The following MXD3 variants were observed in gnomAD, a reference collection of about 807,000 sequenced individuals.
MXD3 encodes the protein Max-associated protein 3.
MXD3 carries 20 observed loss-of-function variants against 27.5 expected under a neutral mutation model. That is an observed-to-expected ratio of 0.73 (90% confidence interval 0.51 to 1.06). The LOEUF is 1.06. Ranked by LOEUF, MXD3 falls within the 50% of genes least tolerant of loss-of-function variation. The probability of loss-of-function intolerance (pLI) is 0.00; values close to 1 mark genes in which losing one functional copy is unlikely to be tolerated. For synonymous variants in MXD3, 150 were observed against 130.7 expected (o/e 1.15, Z -1.01); for missense variants, 298 against 291.3 (o/e 1.02, Z -0.17).
intron 1 of MXD3, 87 bp from the exon 2 acceptor site, chr5:177,311,571 CT>C: frequency 8.1e-7 from 1 of 1,238,638 alleles, no homozygotes; most frequent in Non-Finnish European, 1.1e-6. Context: ...CAAGGAAAGG[CT>C]TTTGGCGCCA....
downstream of MXD3, chr5:177,306,423 C>T (rs374141318): frequency 1.9e-4 from 302 of 1,613,946 alleles, no homozygotes; most frequent in Non-Finnish European, 2.4e-4. Context: ...TCGCGACAGG[C>T]GAGGCCCCTT....
chr5:177,312,527 G>A (rs1278445836), upstream of MXD3: 1 of 985,336 alleles, frequency 1.0e-6, no homozygotes, highest in Non-Finnish European at 1.2e-6. Flanking sequence ...CGCAGGCGCC[G>A]GCGGAGGGGC....
rs1201221295 is a variant in MXD3, at chr5:177,311,823, G to A, written c.8C>T (p.Pro3Leu). 1 of 1,612,210 alleles carries A rather than the reference G, an allele frequency of 6.2e-7. No homozygotes were observed. The highest frequency in any genetic ancestry group is 8.5e-7 in the Non-Finnish European group (1 of 1,179,148). The change falls in exon 1 of 6, where the codon CCC (proline) becomes CTC (leucine). Residue 3 changes from proline to leucine, a missense_variant. Pro to Leu is a moderately conservative substitution (Grantham distance 98, BLOSUM62 -3). Coordinates refer to ENST00000439742, the MANE Select transcript of MXD3 (RefSeq NM_031300.4). ...CAGGACCTGGATGTTGCTGGCCAAG[G>A]GTTCCATGTCGGCGACAGCTGGCGG... Reference protein sequence around the residue: MEPLASNIQVLLQ... With the variant: MELLASNIQVLLQ...
In MXD3 at chr5:177,307,274, T is replaced by G. The variant is rs1157991343; in HGVS notation, c.*314A>C. 6 of 1,551,530 alleles carry G rather than the reference T, an allele frequency of 3.9e-6. No homozygotes were observed. In the Admixed American group the frequency reaches 1.2e-4, roughly 30 times the overall value. ...TGTGAGGCAAAGGCAGGGGGCCTTG[T>G]CCAGGAAGGGAAGAGGCCCAAGAGG... On this transcript the variant is annotated 3_prime_UTR_variant, in exon 6 of 6. Transcript: ENST00000439742.
intron 4 of MXD3, among the ~76,000 whole-genome samples, chr5:177,308,230 A>G (rs919918153): frequency 4.1e-4 from 63 of 152,308 alleles, no homozygotes; most frequent in African/African-American, 1.4e-3. Flanking sequence ...CTAGTCAAGG[A>G]TAAAGGACTG....
intron 4 of MXD3, among the ~76,000 whole-genome samples, chr5:177,308,419 C>A: frequency 6.6e-6 from 1 of 151,856 alleles, no homozygotes. Context: ...GTCGCCCAGG[C>A]TGGAGTGCAG....
chr5:177,311,571 C>A, intron 1 of MXD3, 87 bp from the exon 2 acceptor site: 2 of 1,238,660 alleles, frequency 1.6e-6, no homozygotes, highest in South Asian at 3.2e-5. Flanking sequence ...CAAGGAAAGG[C>A]TTTTGGCGCC....
At chr5:177,312,638 GAAT>G (rs1229608860), upstream of MXD3, 2 of 985,358 alleles carry the variant, frequency 2.0e-6, no homozygotes, top group African/African-American at 3.5e-5. Flanking sequence ...TGTCGAATGG[GAAT>G]AATATCTCGG....
intron 2 of MXD3, chr5:177,311,157 T>C (rs1210877456): frequency 1.9e-6 from 1 of 525,762 alleles, no homozygotes; most frequent in Non-Finnish European, 3.3e-6. Context: ...CAACTGCTGT[T>C]GGCAGTTCCC....
At position 177,310,655 on chromosome 5, in the gene MXD3, G is replaced by C; in HGVS notation, c.206+13C>G. 1 of 1,614,206 alleles carries C rather than the reference G, an allele frequency of 6.2e-7. No homozygotes were observed. The highest frequency in any genetic ancestry group is 8.5e-7 in the Non-Finnish European group (1 of 1,180,022). ...CTGGGGGCTGGCGCTGTCAGGGCAGGACTGGGACTCACCTGCGCTTCTCCA... is the reference window on the plus strand; with the variant it reads ...CTGGGGGCTGGCGCTGTCAGGGCAGCACTGGGACTCACCTGCGCTTCTCCA... On this transcript the variant is annotated intron_variant, in intron 3 of 5. Coordinates refer to ENST00000439742, the MANE Select transcript of MXD3 (RefSeq NM_031300.4).
chr5:177,307,982 G>A lies in MXD3; in HGVS notation c.322-18C>T. 1.3e-6 allele frequency: 2 copies of A among 1,519,186 alleles called. No homozygotes were observed. Among genetic ancestry groups the A allele is most frequent in the Non-Finnish European group, 1.8e-6 (2 of 1,131,192 alleles). 94.1% of individuals were successfully genotyped at this position (1,519,186 alleles called of 1,614,324 possible). On this transcript the variant is annotated intron_variant, in intron 4 of 5. Coordinates refer to ENST00000439742, the MANE Select transcript of MXD3 (RefSeq NM_031300.4). ...TCCAGCTTCTGCGGATCCCAAAGGA[G>A]CAAGGGGCTGGGGTCAGCGGCGTGG...
downstream of MXD3, chr5:177,305,744 G>A (rs1760852292): frequency 1.3e-6 from 1 of 755,968 alleles, no homozygotes; most frequent in Non-Finnish European, 2.2e-6. Context: ...ACTTGGAGGT[G>A]CAGTCAGGGG....
In MXD3 at chr5:177,307,513, G is replaced by T; in HGVS notation, c.*75C>A. ...CAGGTGACTCCGAGCAGCCCTGAAG[G>T]CTTGGGGAGGGCTCCTGCCTGGCAA... On this transcript the variant is annotated 3_prime_UTR_variant, in exon 6 of 6. Transcript: ENST00000439742. 1 of 1,570,074 alleles carries T rather than the reference G, an allele frequency of 6.4e-7. No individual in the cohort carries two copies. Among genetic ancestry groups the T allele is most frequent in the Non-Finnish European group, 8.6e-7 (1 of 1,160,294 alleles).
chr5:177,306,807 C>T (rs575638017), downstream of MXD3: 14 of 785,110 alleles, frequency 1.8e-5, no homozygotes, highest in African/African-American at 2.1e-4. Flanking sequence ...GGTGACTTGC[C>T]CGGGGCTCCA....
chr5:177,310,062 C>T (rs561362148), intron 4 of MXD3, among the ~76,000 whole-genome samples: 2 of 152,296 alleles, frequency 1.3e-5, no homozygotes, highest in South Asian at 4.1e-4. Flanking sequence ...CAAGGACCCC[C>T]ACATACATCC....
At chr5:177,312,591 G>GC (rs1761063969), upstream of MXD3, 1 of 985,442 alleles carries the variant, frequency 1.0e-6, no homozygotes, top group Non-Finnish European at 1.2e-6. Context: ...CCTGCCATCT[G>GC]CCCCCGAAGG....
Position 177,307,911 on chromosome 5 carries a change from G to T in MXD3, c.375C>A (p.Ser125Arg). 6.3e-7 allele frequency: 1 copy of T among 1,597,706 alleles called. No individual in the cohort carries two copies. Among genetic ancestry groups the T allele is most frequent in the Non-Finnish European group, 8.5e-7 (1 of 1,172,770 alleles). Reference sequence around the variant, plus strand: ...GCTGCCGCTGCAGGCTCTGCTGCTTGCTGCGCAGCCTCTCCTTGAGCTGTC... The same window carrying T: ...GCTGCCGCTGCAGGCTCTGCTGCTTTCTGCGCAGCCTCTCCTTGAGCTGTC... ...RARQLKERLR[S>R]KQQSLQRQLE... Residue 125 changes from serine to arginine, a missense_variant, in exon 5 of 6, where the codon AGC (serine) becomes AGA (arginine). Transcript: ENST00000439742.
intron 2 of MXD3, chr5:177,311,034 G>A (rs1176147927): frequency 1.8e-6 from 1 of 565,894 alleles, no homozygotes; most frequent in East Asian, 2.9e-5. Flanking sequence ...CATTCAAATA[G>A]GAGGGAACAG....
At chr5:177,312,446 A>G, upstream of MXD3, 1 of 985,474 alleles carries the variant, frequency 1.0e-6, no homozygotes, top group South Asian at 4.7e-5. Flanking sequence ...TTCGGGCGGG[A>G]AAAGAAGCAG....
Sources: gnomAD v4.1 joint callset for allele counts (sites outside exome capture counted in the v4.1 genomes callset) on GRCh38, gnomAD v4.1.1 for gene constraint, MANE v1.5 for transcripts, NCBI Gene and HGNC (gene_info 2026-07-23, HGNC 2026-07-21) for gene names.